Variants in GPR160 observed in about 807,000 individuals in gnomAD.
The protein encoded by GPR160 is probable G protein-coupled receptor 160.
GPR160 carries 2 observed loss-of-function variants against 2.6 expected under a neutral mutation model. The ratio of observed to expected loss-of-function variants is 0.77; its 90% CI spans 0.32 to 2.44. The LOEUF is 2.44. GPR160 is among the 30% of genes most tolerant of loss of function. GPR160 has a pLI of 0.11. For synonymous variants in GPR160, 130 were observed against 132.2 expected (o/e 0.98, Z 0.12); for missense variants, 351 against 383.6 (o/e 0.91, Z 0.71).
chr3:170,049,586 G>A (rs11922280), intron 2 of GPR160, among the ~76,000 whole-genome samples: 3,143 of 152,334 alleles, frequency 0.021, 115 homozygotes, highest in African/African-American at 0.071. Flanking sequence ...ACTGGGTAGT[G>A]TGGTCTGTAG....
In GPR160 at chr3:170,050,567, C is replaced by T. The variant is rs1455105174; in HGVS notation, c.-193+11524C>T. Among the ~76,000 whole-genome samples the T allele has an allele frequency of 2.0e-5, 3 of 152,182 alleles. No individual in the cohort carries two copies. In the East Asian group the frequency reaches 5.8e-4, roughly 29 times the overall value. ...GATTACAGGCATGCACCACCACGCCCACCTAATTTTTTTGTTGGTCAGGCT... is the reference window on the plus strand; with the variant it reads ...GATTACAGGCATGCACCACCACGCCTACCTAATTTTTTTGTTGGTCAGGCT... On this transcript the variant is annotated intron_variant, in intron 2 of 3. Transcript: ENST00000355897.
At chr3:170,064,514 C>CT (rs1175382810) in intron 2 of GPR160, among the ~76,000 whole-genome samples, 1,748 of 81,014 alleles carry the variant, frequency 0.022, 47 homozygotes, top group African/African-American at 0.049. Context: ...CTTTTCTTTT[C>CT]TTTTTTTTTT....
chr3:170,075,036 G>A (rs1464333196), intron 2 of GPR160, among the ~76,000 whole-genome samples: 1 of 152,082 alleles, frequency 6.6e-6, no homozygotes, highest in African/African-American at 2.4e-5. Flanking sequence ...GACTAGCCTG[G>A]CCAACATGGT....
intron 2 of GPR160, chr3:170,077,248 T>C (rs1712900555): frequency 2.0e-5 from 3 of 152,162 alleles, no homozygotes; most frequent in Admixed American, 2.0e-4. Context: ...ACGCACATGG[T>C]TTTTTTAAAC....
At chr3:170,052,506 T>C (rs1370657969) in intron 2 of GPR160, among the ~76,000 whole-genome samples, 1 of 152,256 alleles carries the variant, frequency 6.6e-6, no homozygotes, top group Non-Finnish European at 1.5e-5. Flanking sequence ...TTTTGTTTGC[T>C]ATTGGCCATT....
At chr3:170,068,114 C>T (rs977892931) in intron 2 of GPR160, among the ~76,000 whole-genome samples, 18 of 152,088 alleles carry the variant, frequency 1.2e-4, no homozygotes, top group African/African-American at 3.6e-4. Context: ...CTAAATTTTA[C>T]GTTTCATTTA....
rs1015921118 is a variant in GPR160, at chr3:170,079,797, T to C, written c.-169T>C. 4 of 152,242 alleles carry C rather than the reference T, an allele frequency of 2.6e-5. No homozygotes were observed. The highest frequency in any genetic ancestry group is 7.2e-5 in the African/African-American group (3 of 41,458). 9.4% of individuals were successfully genotyped at this position (152,242 alleles called of 1,614,324 possible). ...AGAGCTTACTCACATAGCATATTGG[T>C]ATATCAAAATGAAATGCAAGGAACC... On this transcript the variant is annotated 5_prime_UTR_variant, in exon 3 of 4. Transcript: ENST00000355897.
chr3:170,039,319 G>C (rs972093158), intron 2 of GPR160, among the ~76,000 whole-genome samples: 1 of 152,204 alleles, frequency 6.6e-6, no homozygotes, highest in Admixed American at 6.5e-5. Flanking sequence ...GCAGGGAGGA[G>C]GACCTGTGTG....
At chr3:170,044,509 G>T (rs575623368) in intron 2 of GPR160, among the ~76,000 whole-genome samples, 1 of 152,212 alleles carries the variant, frequency 6.6e-6, no homozygotes, top group African/African-American at 2.4e-5. Context: ...AGTTTGACAA[G>T]AATGGAGTAG....
At chr3:170,066,263 C>G (rs1712337227) in intron 2 of GPR160, among the ~76,000 whole-genome samples, 1 of 150,304 alleles carries the variant, frequency 6.7e-6, no homozygotes, top group South Asian at 2.1e-4. Flanking sequence ...GCCTCAGCCT[C>G]CCGAGTAGCT....
chr3:170,039,410 T>G (rs1301488272), intron 2 of GPR160, among the ~76,000 whole-genome samples: 1 of 152,132 alleles, frequency 6.6e-6, no homozygotes, highest in Admixed American at 6.6e-5. Context: ...ATGAATGTTT[T>G]TTAAAATGGA....
At chr3:170,063,321 G>C (rs1712085685) in intron 2 of GPR160, 1 of 151,978 alleles carries the variant, frequency 6.6e-6, no homozygotes, top group African/African-American at 2.4e-5. Flanking sequence ...ATCACTTGAG[G>C]TCAGGAGATT....
chr3:170,084,403 T>C lies in GPR160; in HGVS notation c.431T>C (p.Ile144Thr), dbSNP rs969885895. ...AAATTATTTTATTTCTTTACAGTAA[T>C]TTTAATTTGGATTTCAGTCCTTGCT... The part of the protein sequence containing the change: ...CQKLFYFFTV[I>T]LIWISVLAYV... Residue 144 changes from isoleucine to threonine, a missense_variant, in exon 4 of 4, where the codon ATT (isoleucine) becomes ACT (threonine). Ile to Thr is a moderately conservative substitution (Grantham distance 89). Coordinates refer to ENST00000355897, the MANE Select transcript of GPR160 (RefSeq NM_014373.3). The C allele has an allele frequency of 3.1e-6, 5 of 1,606,944 alleles. No homozygotes were observed. The African/African-American group carries it at 4.0e-5, about 13-fold the overall frequency.
At chr3:170,080,350 A>G (rs565088662) in intron 3 of GPR160, among the ~76,000 whole-genome samples, 2 of 152,342 alleles carry the variant, frequency 1.3e-5, no homozygotes, top group South Asian at 2.1e-4. Context: ...TTCAGGAACT[A>G]TCGTAAATTG....
intron 2 of GPR160, among the ~76,000 whole-genome samples, chr3:170,063,835 G>A (rs942953296): frequency 6.6e-6 from 1 of 152,096 alleles, no homozygotes; most frequent in Non-Finnish European, 1.5e-5. Flanking sequence ...TACTGAGCTC[G>A]TGGCCCTGAG....
At chr3:170,081,805 T>G (rs772480259) in intron 3 of GPR160, among the ~76,000 whole-genome samples, 5 of 152,198 alleles carry the variant, frequency 3.3e-5, no homozygotes, top group Non-Finnish European at 5.9e-5. Flanking sequence ...AGCTCCCACT[T>G]ATAAGTGAAA....
intron 2 of GPR160, among the ~76,000 whole-genome samples, chr3:170,064,754 G>A (rs1712222086): frequency 6.6e-6 from 1 of 151,832 alleles, no homozygotes; most frequent in African/African-American, 2.4e-5. Flanking sequence ...TCCTGATCTC[G>A]TCATCCGCCC....
intron 2 of GPR160, among the ~76,000 whole-genome samples, chr3:170,075,905 C>T (rs1479213505): frequency 6.6e-6 from 1 of 152,156 alleles, no homozygotes; most frequent in Non-Finnish European, 1.5e-5. Context: ...GGGAATTACT[C>T]CTGCTTCTGG....
At chr3:170,062,555 G>T (rs767545321) in intron 2 of GPR160, 40 of 741,976 alleles carry the variant, frequency 5.4e-5, no homozygotes, top group Non-Finnish European at 8.8e-5. Flanking sequence ...GATCAAAGAC[G>T]CCAGGAGAGG....
Sources: gnomAD v4.1 joint callset for allele counts (sites outside exome capture counted in the v4.1 genomes callset) on GRCh38, gnomAD v4.1.1 for gene constraint, MANE v1.5 for transcripts, NCBI Gene and HGNC (gene_info 2026-07-23, HGNC 2026-07-21) for gene names.